CASD1: variants seen among roughly 807,000 people sequenced by gnomAD.
CASD1 encodes N-acetylneuraminate (7)9-O-acetyltransferase.
A neutral mutation model predicts 100.0 loss-of-function variants in CASD1; 41 were observed. The ratio of observed to expected loss-of-function variants is 0.41; its 90% CI spans 0.32 to 0.53. The LOEUF (loss-of-function observed/expected upper bound fraction) is 0.53. Ranked by LOEUF, CASD1 falls within the 20% of genes least tolerant of loss-of-function variation. CASD1 has a pLI of 0.25. For synonymous variants in CASD1, 321 were observed against 315.6 expected (o/e 1.02, Z -0.18); for missense variants, 774 against 948.7 (o/e 0.82, Z 2.42).
chr7:94,535,302 C>T lies in CASD1; in HGVS notation c.629-7C>T, dbSNP rs200618939. The T allele has an allele frequency of 2.2e-5, 35 of 1,597,544 alleles. No homozygotes were observed. Among genetic ancestry groups the T allele is most frequent in the East Asian group, 6.7e-5 (3 of 44,650 alleles). On this transcript the variant is annotated splice_polypyrimidine_tract_variant and splice_region_variant and intron_variant, in intron 7 of 17. Coordinates refer to ENST00000297273, the MANE Select transcript of CASD1 (RefSeq NM_022900.5). Reference sequence around the variant, plus strand: ...AATGTGTTTTTAAAAATGTGTCTCACGTGCAGATCCTGTTTATGAAGATCT... The same window carrying T: ...AATGTGTTTTTAAAAATGTGTCTCATGTGCAGATCCTGTTTATGAAGATCT...
At chr7:94,549,453 A>T in intron 13 of CASD1, 80 bp from the exon 14 acceptor site, 1 of 970,984 alleles carries the variant, frequency 1.0e-6, no homozygotes, top group Non-Finnish European at 1.5e-6. Flanking sequence ...AAACTTCAGA[A>T]AACTATAATC....
the CASD1 span, among the ~76,000 whole-genome samples, chr7:94,571,016 T>A: frequency 1.3e-5 from 2 of 151,732 alleles, no homozygotes; most frequent in Non-Finnish European, 2.9e-5. Context: ...AGCTTTTCTT[T>A]ATCTGGAAAT....
At chr7:94,510,931 G>C (rs1326788395) in intron 1 of CASD1, among the ~76,000 whole-genome samples, 2 of 152,252 alleles carry the variant, frequency 1.3e-5, no homozygotes, top group Non-Finnish European at 2.9e-5. Flanking sequence ...GTTGACAGGC[G>C]TAAAGGTGGG....
intron 14 of CASD1, among the ~76,000 whole-genome samples, chr7:94,550,420 T>C (rs559410191): frequency 6.6e-6 from 1 of 152,294 alleles, no homozygotes; most frequent in South Asian, 2.1e-4. Flanking sequence ...TCACATCAAA[T>C]AATTTTTAAA....
At chr7:94,563,247 C>A in the CASD1 span, among the ~76,000 whole-genome samples, 12,190 of 152,158 alleles carry the variant, frequency 0.08, 750 homozygotes, top group East Asian at 0.24. Context: ...CTCCTTACCC[C>A]CTTTTCCAAA....
chr7:94,564,525 C>A, the CASD1 span, among the ~76,000 whole-genome samples: 3 of 152,142 alleles, frequency 2.0e-5, no homozygotes, highest in Admixed American at 6.5e-5. Flanking sequence ...GGCAAAGGAC[C>A]CAATTGAGGC....
chr7:94,566,659 G>A, the CASD1 span, among the ~76,000 whole-genome samples: 1 of 152,076 alleles, frequency 6.6e-6, no homozygotes, highest in Non-Finnish European at 1.5e-5. Flanking sequence ...AAGCAACACT[G>A]CTTAAAGCTA....
chr7:94,595,624 A>G, the CASD1 span, among the ~76,000 whole-genome samples: 1 of 152,154 alleles, frequency 6.6e-6, no homozygotes, highest in Admixed American at 6.5e-5. Context: ...TGAGAATTCA[A>G]TTCAATCCAA....
rs1293668573 is a variant in CASD1, at chr7:94,509,924, C to T, written c.-161C>T. ...GAGGGGCAGGCGGAGGTCGGGGGCGCCGCGGCCGCGGGGTCAGGTTCCCCG... is the reference window on the plus strand; with the variant it reads ...GAGGGGCAGGCGGAGGTCGGGGGCGTCGCGGCCGCGGGGTCAGGTTCCCCG... On this transcript the variant is annotated 5_prime_UTR_variant, in exon 1 of 18. Coordinates refer to ENST00000297273, the MANE Select transcript of CASD1 (RefSeq NM_022900.5). The T allele has an allele frequency of 8.7e-6, 10 of 1,148,118 alleles. No individual in the cohort carries two copies. The highest frequency in any genetic ancestry group is 1.6e-5 in the African/African-American group (1 of 61,054). The allele number at this position is 1,148,118 out of a possible 1,614,324, so 71.1% of individuals were successfully genotyped here. A position where few individuals can be genotyped will look rare whatever the true frequency, so the allele number is the denominator to read the frequency against.
the CASD1 span, among the ~76,000 whole-genome samples, chr7:94,615,114 A>G: frequency 1.3e-5 from 2 of 152,144 alleles, no homozygotes; most frequent in African/African-American, 4.8e-5. Context: ...TAAGCCCAGC[A>G]CTCTGGGAGG....
chr7:94,523,621 T>C (rs920936173), intron 3 of CASD1, among the ~76,000 whole-genome samples: 1 of 152,200 alleles, frequency 6.6e-6, no homozygotes, highest in Non-Finnish European at 1.5e-5. Flanking sequence ...ATTGTAAAGA[T>C]GTCAGTTATT....
the CASD1 span, among the ~76,000 whole-genome samples, chr7:94,580,753 C>G: frequency 1.3e-5 from 2 of 152,238 alleles, no homozygotes; most frequent in Non-Finnish European, 2.9e-5. Flanking sequence ...TACTCCTGCC[C>G]TACCCTTTTG....
chr7:94,518,275 T>C lies in CASD1; in HGVS notation c.303T>C (p.Tyr101=). ...IGDSRIRQLF[Y]SFVKIINPQF... ...ATTCCAGAATTCGTCAATTGTTTTA[T>C]TCTTTTGTAAAAATAATTAATCCCC... The change falls in exon 3 of 18, where the codon TAT becomes TAC. Residue 101 remains tyrosine (Y), a synonymous_variant. Transcript: ENST00000297273. The C allele has an allele frequency of 1.3e-6, 2 of 1,582,880 alleles. No individual in the cohort carries two copies. Among genetic ancestry groups the C allele is most frequent in the South Asian group, 2.3e-5 (2 of 85,612 alleles).
the CASD1 span, chr7:94,625,019 T>C: frequency 6.6e-6 from 1 of 152,042 alleles, no homozygotes; most frequent in African/African-American, 2.4e-5. Flanking sequence ...CAATGAGACA[T>C]TTAACTGCTG....
intron 1 of CASD1, among the ~76,000 whole-genome samples, chr7:94,511,165 T>C (rs1474963215): frequency 6.6e-6 from 1 of 152,216 alleles, no homozygotes; most frequent in African/African-American, 2.4e-5. Flanking sequence ...TGATAGGATC[T>C]TTTATTTTTG....
chr7:94,628,673 C>T, the CASD1 span: 2 of 341,162 alleles, frequency 5.9e-6, no homozygotes, highest in Non-Finnish European at 1.1e-5. Context: ...GGAGAATTCC[C>T]TAATCATGCT....
rs562791972 is a variant in CASD1 at position 94,531,888 on chromosome 7, A to G, written c.460-1317A>G. On this transcript the variant is annotated intron_variant, in intron 5 of 17. Transcript: ENST00000297273. ...CCGACTTACCTGGCAGGCCTCAGCA[A>G]TATCCTATTAGCCATTCTGAGTCTG... Among the ~76,000 whole-genome samples, 4 of 152,226 alleles carry G rather than the reference A, an allele frequency of 2.6e-5. No individual in the cohort carries two copies. In the East Asian group the frequency reaches 7.7e-4, roughly 29 times the overall value.
Position 94,555,738 on chromosome 7 carries a change from C to G in CASD1, c.2374C>G (p.Gln792Glu). ...TGGACTCCTCATCTTATCATCCATT[C>G]AAGATAAATCAAAACATTAGGTTCC... Reference protein sequence around the residue: ...FCGLLILSSIQDKSKH With the variant: ...FCGLLILSSIEDKSKH Residue 792 changes from glutamine (Q) to glutamate (E), a missense_variant, in exon 18 of 18, where the codon CAA becomes GAA. Gln to Glu is a conservative substitution (Grantham distance 29). Around this residue, in one of 5 missense-constraint regions of CASD1, gnomAD observed 175 missense variants for 206.9 expected, o/e 0.85. Transcript: ENST00000297273. The G allele has an allele frequency of 6.2e-7, 1 of 1,611,724 alleles. No homozygotes were observed. The highest frequency in any genetic ancestry group is 2.2e-5 in the East Asian group (1 of 44,818).
At chr7:94,553,521 A>G (rs1271606829) in intron 16 of CASD1, among the ~76,000 whole-genome samples, 1 of 152,140 alleles carries the variant, frequency 6.6e-6, no homozygotes, top group East Asian at 1.9e-4. Flanking sequence ...CAAAATGCCC[A>G]GGTTGATCAA....
Sources: allele counts gnomAD v4.1 joint callset (sites outside exome capture counted in the v4.1 genomes callset), GRCh38; gene constraint gnomAD v4.1.1; regional missense constraint gnomAD v4.1.1; transcripts MANE v1.5; gene names NCBI Gene and HGNC (gene_info 2026-07-23, HGNC 2026-07-21).